The following OSBPL8 variants were observed in gnomAD, a reference collection of about 807,000 sequenced individuals.
The protein encoded by OSBPL8 is oxysterol binding protein like 8.
In OSBPL8, 59 loss-of-function variants were observed where a neutral mutation model predicts 125.5. That is an observed-to-expected ratio of 0.47 (90% CI 0.38 to 0.58). OSBPL8 has a LOEUF of 0.58. Ranked by LOEUF, OSBPL8 falls within the 20% of genes least tolerant of loss-of-function variation. The pLI is 0.00. For missense variants in OSBPL8, 758 were observed against 1,047.8 expected, an observed-to-expected ratio of 0.72 and a Z score of 3.82; for synonymous variants, 330 against 338.9, an observed-to-expected ratio of 0.97 and a Z score of 0.29.
At position 76,450,800 on chromosome 12, in the gene OSBPL8, CCAAAAA is replaced by C. The variant is rs752317651; in HGVS notation, c.217+45_217+50del. 58 of 1,525,286 alleles carry C rather than the reference CCAAAAA, an allele frequency of 3.8e-5. No individual in the cohort carries two copies. The East Asian group carries it at 5.1e-4, about 13-fold the overall frequency. The allele number at this position is 1,525,286 out of a possible 1,614,324, so 94.5% of individuals were successfully genotyped here. On this transcript the variant is annotated intron_variant, in intron 4 of 23. Coordinates refer to ENST00000261183, the MANE Select transcript of OSBPL8 (RefSeq NM_020841.5). ...AAATGTCATTCTCCCCTTCTCCCCT[CCAAAAA>C]CAAAAACAAAAACAAGACAAAACAT... is the stretch of plus-strand genomic sequence containing the variant.
At chr12:76,412,919 G>C (rs1478836709) in intron 4 of OSBPL8, among the ~76,000 whole-genome samples, 2 of 152,132 alleles carry the variant, frequency 1.3e-5, no homozygotes, top group Non-Finnish European at 2.9e-5. Context: ...ATAGTTAGCT[G>C]TTCCTTTCTA....
rs1437909438 is a variant in OSBPL8 at position 76,356,836 on chromosome 12, G to C, written c.2435-108C>G. 8 of 668,324 alleles carry C rather than the reference G, an allele frequency of 1.2e-5. No homozygotes were observed. In the South Asian group the frequency reaches 1.4e-4, roughly 12 times the overall value. The allele number at this position is 668,324 out of a possible 1,614,324, so 41.4% of individuals were successfully genotyped here. On this transcript the variant is annotated intron_variant, in intron 22 of 23. Transcript: ENST00000261183. ...CCTGGGCATTTGTTTTTGTAGCCTA[G>C]AGATTAGCATAGTAATATGAATACT... is the stretch of plus-strand genomic sequence containing the variant.
At chr12:76,536,947 T>C (rs1264349096) in intron 1 of OSBPL8, 1 of 152,404 alleles carries the variant, frequency 6.6e-6, no homozygotes, top group Non-Finnish European at 1.5e-5. Context: ...TTCAACCATT[T>C]AAAACAGAGA....
At position 76,358,830 on chromosome 12, in the gene OSBPL8, A is replaced by G. The variant is rs755911810; in HGVS notation, c.2329-19T>C. ...CGCTAACCTAAAGAAAAAAATAACT[A>G]TTTTGTGAATTTGCACTGTATTTTG... On this transcript the variant is annotated intron_variant, in intron 21 of 23. Coordinates refer to ENST00000261183, the MANE Select transcript of OSBPL8 (RefSeq NM_020841.5). The G allele has an allele frequency of 8.2e-6, 13 of 1,594,548 alleles. No individual in the cohort carries two copies. Among genetic ancestry groups the G allele is most frequent in the Non-Finnish European group, 1.1e-5 (13 of 1,162,524 alleles).
chr12:76,356,411 C>G (rs1565818593), intron 23 of OSBPL8, among the ~76,000 whole-genome samples: 1 of 152,166 alleles, frequency 6.6e-6, no homozygotes, highest in African/African-American at 2.4e-5. Flanking sequence ...CAATTCTACC[C>G]TTACAGAGAA....
chr12:76,505,025 C>T (rs1880274511), intron 1 of OSBPL8, among the ~76,000 whole-genome samples: 2 of 152,160 alleles, frequency 1.3e-5, no homozygotes, highest in Non-Finnish European at 1.5e-5. Context: ...TCCCCATTCC[C>T]TAGCATCCTG....
intron 4 of OSBPL8, among the ~76,000 whole-genome samples, chr12:76,445,463 C>A (rs1406416930): frequency 6.6e-6 from 1 of 152,080 alleles, no homozygotes; most frequent in Admixed American, 6.5e-5. Context: ...GAAGAAAGTA[C>A]TCTCAATACA....
intron 5 of OSBPL8, among the ~76,000 whole-genome samples, chr12:76,404,983 G>T (rs12313610): frequency 0.027 from 4,129 of 152,190 alleles, 177 homozygotes; most frequent in African/African-American, 0.094. Context: ...TACTAATGAG[G>T]ACACTAAAAC....
intron 11 of OSBPL8, 91 bp downstream of exon 11, chr12:76,390,329 G>T (rs540562568): frequency 2.2e-6 from 2 of 918,958 alleles, no homozygotes; most frequent in South Asian, 1.6e-5. Flanking sequence ...AGAAAAATAG[G>T]CAATAGATCA....
chr12:76,483,257 T>C (rs1276633511), intron 2 of OSBPL8, among the ~76,000 whole-genome samples: 2 of 151,220 alleles, frequency 1.3e-5, no homozygotes, highest in African/African-American at 4.9e-5. Context: ...CGAGACTCTG[T>C]CTCAAAAAAT....
intron 2 of OSBPL8, among the ~76,000 whole-genome samples, chr12:76,467,569 C>T (rs1337423016): frequency 6.6e-6 from 1 of 152,128 alleles, no homozygotes; most frequent in African/African-American, 2.4e-5. Flanking sequence ...CAGGCATAAA[C>T]CCTTGATTCC....
intron 23 of OSBPL8, among the ~76,000 whole-genome samples, 183 bp from the exon 24 acceptor site, chr12:76,356,204 G>C (rs1378009568): frequency 6.6e-6 from 1 of 151,964 alleles, no homozygotes; most frequent in Non-Finnish European, 1.5e-5. Context: ...GAATACTTAA[G>C]GGCTCAGGGA....
At chr12:76,374,464 C>T (rs144201158) in intron 17 of OSBPL8, among the ~76,000 whole-genome samples, 6 of 152,198 alleles carry the variant, frequency 3.9e-5, no homozygotes, top group East Asian at 1.9e-4. Context: ...TTTGGCTTCT[C>T]AGGCTAGGTC....
Position 76,392,756 on chromosome 12 carries a change from A to G in OSBPL8, c.758-4T>C. On this transcript the variant is annotated splice_polypyrimidine_tract_variant and splice_region_variant and intron_variant, in intron 9 of 23. Transcript: ENST00000261183. ...AAAGCATCCATCCAGCACCTTCCTA[A>G]AAGAACACAGATTCATAAGCACTAT... 1 of 1,598,828 alleles carries G rather than the reference A, an allele frequency of 6.3e-7. No homozygotes were observed. The highest frequency in any genetic ancestry group is 8.6e-7 in the Non-Finnish European group (1 of 1,169,428).
rs182607542 is a variant in OSBPL8 at position 76,550,294 on chromosome 12, T to C, written c.-68+9103A>G. Among the ~76,000 whole-genome samples, 223 of 152,208 alleles carry C rather than the reference T, an allele frequency of 1.5e-3. 1 individual carries two copies. Among genetic ancestry groups the C allele is most frequent in the African/African-American group, 5.2e-3 (216 of 41,438 alleles). ...ATAAATAAAGTCTACTAATTCTCTA[T>C]ATTATCAACATGTTTCTTCTGGCAG... On this transcript the variant is annotated intron_variant, in intron 1 of 23. Transcript: ENST00000261183.
chr12:76,359,781 C>T (rs1952127257), intron 21 of OSBPL8, among the ~76,000 whole-genome samples: 1 of 152,188 alleles, frequency 6.6e-6, no homozygotes, highest in African/African-American at 2.4e-5. Context: ...GAGACTTATT[C>T]ACTACCACGA....
At chr12:76,371,785 CTAGT>C (rs1952628164) in intron 18 of OSBPL8, 1 of 396,546 alleles carries the variant, frequency 2.5e-6, no homozygotes, top group East Asian at 4.5e-5. Context: ...CTACGTAATA[CTAGT>C]TAATTAAAAA....
chr12:76,556,824 C>T (rs921537340), intron 1 of OSBPL8, among the ~76,000 whole-genome samples: 6 of 152,124 alleles, frequency 3.9e-5, no homozygotes, highest in Non-Finnish European at 8.8e-5. Context: ...CTGCCACGCC[C>T]AGCTAATTTT....
At chr12:76,368,126 T>C in intron 21 of OSBPL8, among the ~76,000 whole-genome samples, 1 of 152,198 alleles carries the variant, frequency 6.6e-6, no homozygotes, top group East Asian at 1.9e-4. Context: ...TCCCTCAGCT[T>C]TTATCTGGGA....
Sources: gnomAD v4.1 joint callset for allele counts (sites outside exome capture counted in the v4.1 genomes callset) on GRCh38, gnomAD v4.1.1 for gene constraint, MANE v1.5 for transcripts, NCBI Gene and HGNC (gene_info 2026-07-23, HGNC 2026-07-21) for gene names.